The following BCL9 variants were observed in gnomAD, a reference collection of about 807,000 sequenced individuals.
The protein encoded by BCL9 is BCL9 transcription coactivator, also known as B-cell CLL/lymphoma 9 protein.
A neutral mutation model predicts 88.5 loss-of-function variants in BCL9; 25 were observed. That is an observed-to-expected ratio of 0.28 (90% confidence interval 0.21 to 0.39). BCL9 has a LOEUF of 0.39. Ranked by LOEUF, BCL9 falls within the 10% of genes least tolerant of loss-of-function variation. The pLI is 1.00. For synonymous variants in BCL9, 711 were observed against 673.3 expected (o/e 1.06, Z -0.87); for missense variants, 1,817 against 1,877.8 (o/e 0.97, Z 0.60).
intron 1 of BCL9, among the ~76,000 whole-genome samples, chr1:147,547,209 G>A (rs998253860): frequency 6.6e-6 from 1 of 152,072 alleles, no homozygotes; most frequent in Non-Finnish European, 1.5e-5. Context: ...ATATGTGTGT[G>A]CATATATATT....
chr1:147,578,214 C>G (rs1656196404), intron 1 of BCL9, among the ~76,000 whole-genome samples: 1 of 152,124 alleles, frequency 6.6e-6, no homozygotes, highest in Admixed American at 6.5e-5. Context: ...TCTTTTACAG[C>G]AGGAACCATG....
Position 147,624,596 on chromosome 1 carries a change from A to C in BCL9, c.3918A>C (p.Thr1306=). 1.9e-6 allele frequency: 3 copies of C among 1,614,202 alleles called. No homozygotes were observed. The South Asian group carries it at 3.3e-5, about 18-fold the overall frequency. ...PVGTPDIPLG[T]APSMPGHNPM... ...GAACTCCGGACATCCCTCTTGGTAC[A>C]GCTCCATCCATGCCAGGCCACAACC... The change falls in exon 10 of 10, where the codon ACA becomes ACC. Residue 1306 remains threonine, a synonymous_variant. Coordinates refer to ENST00000234739, the MANE Select transcript of BCL9 (RefSeq NM_004326.4). This position sits in a 1 kb window ranked among gnomAD's most constrained non-coding sequence, Gnocchi z 4.4.
At chr1:147,583,346 C>T (rs1178614752) in intron 1 of BCL9, among the ~76,000 whole-genome samples, 3 of 152,110 alleles carry the variant, frequency 2.0e-5, no homozygotes, top group African/African-American at 7.2e-5. Flanking sequence ...GGTGCAATCT[C>T]GGCTTATTGC....
chr1:147,615,786 C>T lies in BCL9; in HGVS notation c.561-17C>T. ...AGAAACAAGTTCTAGTGTGTGCTGT[C>T]TCTTCCATCTTTGCAGAGCTGCAGA... On this transcript the variant is annotated splice_polypyrimidine_tract_variant and intron_variant, in intron 6 of 9. Transcript: ENST00000234739. The T allele has an allele frequency of 1.2e-6, 2 of 1,604,126 alleles. No homozygotes were observed. Among genetic ancestry groups the T allele is most frequent in the Non-Finnish European group, 1.7e-6 (2 of 1,170,882 alleles).
intron 1 of BCL9, among the ~76,000 whole-genome samples, chr1:147,593,428 C>T (rs1261348758): frequency 1.3e-5 from 2 of 152,164 alleles, no homozygotes; most frequent in Admixed American, 6.5e-5. Context: ...TAAGATTCCA[C>T]TCAGGTCTTA....
chr1:147,564,007 C>T (rs1165174985), intron 1 of BCL9, among the ~76,000 whole-genome samples: 1 of 152,192 alleles, frequency 6.6e-6, no homozygotes, highest in African/African-American at 2.4e-5. Context: ...GGCTTGTTAA[C>T]TACTTTGCAG....
At chr1:147,550,412 T>C (rs1654836960) in intron 1 of BCL9, among the ~76,000 whole-genome samples, 1 of 152,104 alleles carries the variant, frequency 6.6e-6, no homozygotes, top group Non-Finnish European at 1.5e-5. Context: ...TGGGTGACAA[T>C]TAGTATAACT....
chr1:147,606,681 G>C (rs1280393346), intron 2 of BCL9, 103 bp from the exon 3 acceptor site: 1 of 152,126 alleles, frequency 6.6e-6, no homozygotes. Flanking sequence ...TGATATTCTG[G>C]AATAAATAAG....
intron 1 of BCL9, among the ~76,000 whole-genome samples, chr1:147,586,637 T>C (rs182163576): frequency 4.6e-5 from 7 of 152,282 alleles, no homozygotes; most frequent in Admixed American, 4.6e-4. Flanking sequence ...TAGGCCTCCA[T>C]GTGATCCCAG....
At chr1:147,545,430 G>T (rs587733237) in intron 1 of BCL9, among the ~76,000 whole-genome samples, 19 of 152,286 alleles carry the variant, frequency 1.2e-4, no homozygotes, top group South Asian at 1.0e-3. Flanking sequence ...TAATCCAAGT[G>T]GGGAGTTGAG....
At chr1:147,615,746 TAC>T in intron 6 of BCL9, 55 bp from the exon 7 acceptor site, 1 of 1,411,310 alleles carries the variant, frequency 7.1e-7, no homozygotes, top group Admixed American at 1.7e-5. Flanking sequence ...GCTTTGGAAT[TAC>T]AGTTAGTGAA....
intron 3 of BCL9, among the ~76,000 whole-genome samples, chr1:147,611,172 C>A (rs1657984489): frequency 6.6e-6 from 1 of 152,088 alleles, no homozygotes. Flanking sequence ...AACTGAAACA[C>A]CAGATAGTCA....
At chr1:147,621,408 GCTGCC>G (rs2101623176) in intron 8 of BCL9, among the ~76,000 whole-genome samples, 1 of 152,342 alleles carries the variant, frequency 6.6e-6, no homozygotes, top group South Asian at 2.1e-4. Context: ...ACTGCAAGGG[GCTGCC>G]CTTGAATCGA....
At chr1:147,605,740 G>A (rs1020390023) in intron 2 of BCL9, among the ~76,000 whole-genome samples, 12 of 152,060 alleles carry the variant, frequency 7.9e-5, no homozygotes, top group Non-Finnish European at 1.0e-4. Flanking sequence ...TTTAGTAGTC[G>A]GTATGCCAGA....
In BCL9 at chr1:147,625,500, T is replaced by C. The variant is rs1398628678; in HGVS notation, c.*541T>C. The C allele has an allele frequency of 3.3e-5, 7 of 211,342 alleles. No individual in the cohort carries two copies. Among genetic ancestry groups the C allele is most frequent in the African/African-American group, 1.7e-4 (7 of 41,806 alleles). 13.1% of individuals were successfully genotyped at this position (211,342 alleles called of 1,614,324 possible). The stretch of plus-strand genomic sequence containing the variant: ...GACCTTTGGACTATTTTCTTTCAAC[T>C]GCAGTGTATAGAAAAACCAAACTAC... On this transcript the variant is annotated 3_prime_UTR_variant, in exon 10 of 10. Coordinates refer to ENST00000234739, the MANE Select transcript of BCL9 (RefSeq NM_004326.4).
chr1:147,547,937 G>A (rs979306085), intron 1 of BCL9, among the ~76,000 whole-genome samples: 2 of 152,178 alleles, frequency 1.3e-5, no homozygotes, highest in African/African-American at 4.8e-5. Flanking sequence ...GTTATCAAAA[G>A]TATTCTTAAA....
chr1:147,557,056 G>C (rs2101488123), intron 1 of BCL9, among the ~76,000 whole-genome samples: 1 of 152,304 alleles, frequency 6.6e-6, no homozygotes, highest in Middle Eastern at 3.4e-3. Flanking sequence ...TTGAGCAAGG[G>C]GGAGAGAGAC....
intron 1 of BCL9, among the ~76,000 whole-genome samples, chr1:147,563,110 C>A (rs1553196296): frequency 6.6e-6 from 1 of 152,194 alleles, no homozygotes; most frequent in Non-Finnish European, 1.5e-5. Flanking sequence ...GTCAGTCAGG[C>A]CTTAGCTTAA....
chr1:147,559,293 C>T (rs1279367551), intron 1 of BCL9, among the ~76,000 whole-genome samples: 2 of 152,182 alleles, frequency 1.3e-5, no homozygotes, highest in Non-Finnish European at 2.9e-5. Context: ...AGGACAGGCT[C>T]AAAGACAGAG....
Sources: allele counts gnomAD v4.1 joint callset (sites outside exome capture counted in the v4.1 genomes callset), GRCh38; gene constraint gnomAD v4.1.1; non-coding constraint Gnocchi (gnomAD v3.1); transcripts MANE v1.5; gene names NCBI Gene and HGNC (gene_info 2026-07-23, HGNC 2026-07-21).